The following FAM83G variants were observed in gnomAD, a reference collection of about 807,000 sequenced individuals.
FAM83G encodes the protein scaffolding CK1 anchoring protein G.
In FAM83G, 38 loss-of-function variants were observed where a neutral mutation model predicts 61.5. That is an observed-to-expected ratio of 0.62 (90% CI 0.48 to 0.81). The LOEUF is 0.81. Ranked by LOEUF, FAM83G falls within the 30% of genes least tolerant of loss-of-function variation. The pLI, the probability that FAM83G is intolerant of heterozygous loss-of-function variation, is 0.00. For synonymous variants in FAM83G, 470 were observed against 476.1 expected (o/e 0.99, Z 0.17); for missense variants, 989 against 1,133.6 (o/e 0.87, Z 1.83).
Position 18,970,770 on chromosome 17 carries a change from A to C in FAM83G, c.*589T>G, listed in dbSNP as rs2042821758. The C allele has an allele frequency of 3.8e-6, 2 of 523,316 alleles. No homozygotes were observed. Among genetic ancestry groups the C allele is most frequent in the South Asian group, 2.3e-5 (1 of 43,472 alleles). 32.4% of individuals were successfully genotyped at this position (523,316 alleles called of 1,614,324 possible). ...GGGCCAGCGGGACACTGGGGTGCCC[A>C]TGTGCAAAATGCTTACTTAATAGTA... On this transcript the variant is annotated 3_prime_UTR_variant, in exon 6 of 6. Coordinates refer to ENST00000388995, the MANE Select transcript of FAM83G (RefSeq NM_001039999.3).
intron 2 of FAM83G, among the ~76,000 whole-genome samples, chr17:18,998,875 G>A (rs1463884719): frequency 3.3e-5 from 5 of 152,220 alleles, no homozygotes; most frequent in Non-Finnish European, 7.3e-5. Flanking sequence ...AGGATGCAAT[G>A]AGTGGCCTTC....
intron 3 of FAM83G, among the ~76,000 whole-genome samples, chr17:18,981,827 C>T (rs1394431506): frequency 3.9e-5 from 6 of 152,188 alleles, no homozygotes; most frequent in African/African-American, 4.8e-5. Context: ...AAGCTGGCCA[C>T]GGCCCAGGAC....
intron 2 of FAM83G, among the ~76,000 whole-genome samples, chr17:18,991,028 C>G (rs372804201): frequency 3.3e-5 from 5 of 152,098 alleles, no homozygotes; most frequent in South Asian, 2.1e-4. Flanking sequence ...TTATAAGGAG[C>G]CTTTACAGCT....
In FAM83G at chr17:18,978,095, C is replaced by A. The variant is rs1309551205; in HGVS notation, c.1571G>T (p.Gly524Val). The A allele has an allele frequency of 6.6e-7, 1 of 1,516,166 alleles. No individual in the cohort carries two copies. 93.9% of individuals were successfully genotyped at this position (1,516,166 alleles called of 1,614,324 possible). ...DVLARDSSDIGWVLELPKEEA... is the reference protein window; with the variant it reads ...DVLARDSSDIVWVLELPKEEA... ...CTCTTTGGGGAGCTCCAGGACCCAG[C>A]CAATATCACTGCTGTCCCGGGCTAG... Residue 524 changes from glycine to valine, a missense_variant, in exon 5 of 6, where the codon GGC becomes GTC. Gly to Val is a moderately radical substitution (Grantham distance 109). This residue lies in a region of FAM83G where 574 missense variants were observed against 645.1 expected (regional missense o/e 0.89). Coordinates refer to ENST00000388995, the MANE Select transcript of FAM83G (RefSeq NM_001039999.3).
chr17:18,977,968 C>T lies in FAM83G; in HGVS notation c.1698G>A (p.Glu566=). The change falls in exon 5 of 6, where the codon GAG becomes GAA. Residue 566 remains glutamate, a synonymous_variant. Coordinates refer to ENST00000388995, the MANE Select transcript of FAM83G (RefSeq NM_001039999.3). The part of the protein sequence containing the change: ...RQLSVTQDDP[E]SLGVGLPNGL... ...CATTGGGGAGCCCCACCCCGAGGCT[C>T]TCGGGGTCATCCTGGGTCACAGATA... 6.3e-7 allele frequency: 1 copy of T among 1,591,744 alleles called. No individual in the cohort carries two copies. Among genetic ancestry groups the T allele is most frequent in the Non-Finnish European group, 8.6e-7 (1 of 1,169,122 alleles).
chr17:18,977,691 A>G lies in FAM83G; in HGVS notation c.1975T>C (p.Phe659Leu). Residue 659 changes from phenylalanine (F) to leucine (L), a missense_variant, in exon 5 of 6, where the codon TTT becomes CTT. Phe to Leu is a conservative substitution (Grantham distance 22). This residue lies in a region of FAM83G where 574 missense variants were observed against 645.1 expected (regional missense o/e 0.89). Transcript: ENST00000388995. ...GGGGAGCCACCCTGGGGTCCAACAA[A>G]GGTCCCTCGGGTTATATGGGGGGCA... ...LSAPHITRGTFVGPQGGSPWA... is the reference protein window; with the variant it reads ...LSAPHITRGTLVGPQGGSPWA... The G allele has an allele frequency of 6.2e-7, 1 of 1,610,576 alleles. No homozygotes were observed. The highest frequency in any genetic ancestry group is 8.5e-7 in the Non-Finnish European group (1 of 1,179,742).
chr17:18,971,231 G>A lies in FAM83G; in HGVS notation c.*128C>T, dbSNP rs767373432. The A allele has an allele frequency of 2.3e-5, 37 of 1,613,486 alleles. 1 individual carries two copies. The South Asian group carries it at 3.7e-4, about 16-fold the overall frequency. ...GTGCACCGACCAGGTGAGTGCCAAC[G>A]TCTCCCGCCCATCCCACCTTCCTGC... On this transcript the variant is annotated 3_prime_UTR_variant, in exon 6 of 6. Coordinates refer to ENST00000388995, the MANE Select transcript of FAM83G (RefSeq NM_001039999.3). This position sits in a 1 kb window ranked among gnomAD's most constrained non-coding sequence, Gnocchi z 5.5.
intron 4 of FAM83G, chr17:18,979,179 C>T: frequency 2.1e-6 from 1 of 481,034 alleles, no homozygotes; most frequent in Admixed American, 3.5e-5. Flanking sequence ...TGCGTCTATG[C>T]TGCCACCAAC....
At chr17:18,993,183 G>A (rs2043473493) in intron 2 of FAM83G, among the ~76,000 whole-genome samples, 2 of 152,010 alleles carry the variant, frequency 1.3e-5, no homozygotes, top group African/African-American at 2.4e-5. Context: ...CCCTCTCCCC[G>A]ACGCTTCCTG....
chr17:18,975,578 C>T (rs540945075), intron 5 of FAM83G: 1 of 152,170 alleles, frequency 6.6e-6, no homozygotes, highest in South Asian at 2.1e-4. Context: ...CCTGTAATCC[C>T]AGCTACTTGG....
intron 3 of FAM83G, among the ~76,000 whole-genome samples, chr17:18,985,424 C>T (rs866972713): frequency 6.6e-6 from 1 of 152,216 alleles, no homozygotes; most frequent in African/African-American, 2.4e-5. Flanking sequence ...ATGACCCTAC[C>T]AGAAAACCTG....
intron 3 of FAM83G, among the ~76,000 whole-genome samples, chr17:18,980,501 C>T (rs1488508624): frequency 2.0e-5 from 3 of 152,144 alleles, no homozygotes; most frequent in Non-Finnish European, 2.9e-5. Context: ...CCGGCCTTTT[C>T]CTGGACCCTG....
At chr17:18,984,709 C>T (rs2043225525) in intron 3 of FAM83G, among the ~76,000 whole-genome samples, 1 of 152,260 alleles carries the variant, frequency 6.6e-6, no homozygotes, top group Non-Finnish European at 1.5e-5. Context: ...CCCAGCCTGT[C>T]TCTGGTTGGC....
At chr17:18,980,178 C>T (rs149070307) in intron 3 of FAM83G, among the ~76,000 whole-genome samples, 8 of 152,238 alleles carry the variant, frequency 5.3e-5, no homozygotes, top group South Asian at 2.1e-4. Context: ...CTCCAGGGTG[C>T]GTGGCCCTAC....
chr17:18,979,604 G>A lies in FAM83G; in HGVS notation c.760C>T (p.Leu254=). The change falls in exon 4 of 6, where the codon CTG becomes TTG. Residue 254 remains leucine (L), a synonymous_variant. Transcript: ENST00000388995. The stretch of plus-strand genomic sequence containing the variant: ...TCCACAAACATGAACTTCTGGGCCA[G>A]GGCACCCTTGAACTTGGTTGCCGAC... ...TRSATKFKGA[L]AQKFMFVDGD... The A allele has an allele frequency of 6.2e-7, 1 of 1,613,566 alleles. No individual in the cohort carries two copies. Among genetic ancestry groups the A allele is most frequent in the Non-Finnish European group, 8.5e-7 (1 of 1,179,996 alleles).
chr17:18,992,530 G>A (rs1176879539), intron 2 of FAM83G, among the ~76,000 whole-genome samples: 1 of 152,218 alleles, frequency 6.6e-6, no homozygotes. Flanking sequence ...GTTGGGGGTG[G>A]GACAGGGCTT....
chr17:18,971,300 C>A lies in FAM83G; in HGVS notation c.*59G>T. On this transcript the variant is annotated 3_prime_UTR_variant, in exon 6 of 6. Coordinates refer to ENST00000388995, the MANE Select transcript of FAM83G (RefSeq NM_001039999.3). The surrounding 1 kb of genome is among the most constrained non-coding windows in gnomAD (Gnocchi z 5.5). Reference sequence around the variant, plus strand: ...TAGGCCCAGGCGGCCTGTCTGCCCTCCGCGTCATGAGTCTGGGCTGGGGCC... The same window carrying A: ...TAGGCCCAGGCGGCCTGTCTGCCCTACGCGTCATGAGTCTGGGCTGGGGCC... 1.9e-6 allele frequency: 3 copies of A among 1,608,796 alleles called. No homozygotes were observed. Among genetic ancestry groups the A allele is most frequent in the Non-Finnish European group, 2.5e-6 (3 of 1,176,584 alleles).
intron 5 of FAM83G, chr17:18,976,709 C>T (rs961748949): frequency 1.0e-5 from 11 of 1,088,042 alleles, no homozygotes; most frequent in Admixed American, 2.4e-5. Flanking sequence ...AGTATTGGGG[C>T]TTTGAGTGTG....
Position 18,984,168 on chromosome 17 carries a change from C to A in FAM83G, c.690+4079G>T, listed in dbSNP as rs988887882. ...CCATCCTGGCTAACACGGTGAAACC[C>A]CATCTCTACTAAAAATACAAAAAAT... is the stretch of plus-strand genomic sequence containing the variant. On this transcript the variant is annotated intron_variant, in intron 3 of 5. Transcript: ENST00000388995. 8.6e-5 allele frequency among the ~76,000 whole-genome samples: 13 copies of A among 152,038 alleles called. No individual in the cohort carries two copies. The East Asian group carries it at 2.3e-3, about 27-fold the overall frequency.
Sources: gnomAD v4.1 joint callset for allele counts (sites outside exome capture counted in the v4.1 genomes callset) on GRCh38, gnomAD v4.1.1 for gene constraint, gnomAD v4.1.1 regional missense constraint, Gnocchi (gnomAD v3.1) non-coding constraint, MANE v1.5 for transcripts, NCBI Gene and HGNC (gene_info 2026-07-23, HGNC 2026-07-21) for gene names.